MAP6: variants seen among roughly 807,000 people sequenced by gnomAD.
MAP6 encodes microtubule associated protein 6, also known as microtubule-associated protein 6.
A neutral mutation model predicts 42.4 loss-of-function variants in MAP6; 26 were observed. The ratio of observed to expected loss-of-function variants is 0.61; its 90% confidence interval spans 0.45 to 0.85. MAP6 has a LOEUF of 0.85. Among genes scored for constraint, MAP6 ranks in the 40% least tolerant of loss-of-function variants. The pLI, the probability that MAP6 is intolerant of heterozygous loss-of-function variation, is 0.00. For synonymous variants in MAP6, 418 were observed against 443.8 expected (o/e 0.94, Z 0.73); for missense variants, 966 against 1,099.0 (o/e 0.88, Z 1.71).
intron 1 of MAP6, among the ~76,000 whole-genome samples, chr11:75,659,492 G>A (rs1294143837): frequency 6.6e-6 from 1 of 152,188 alleles, no homozygotes; most frequent in African/African-American, 2.4e-5. Context: ...AGCTCTAACA[G>A]GGAAGTAACA....
chr11:75,593,849 C>G (rs890139676), intron 3 of MAP6, among the ~76,000 whole-genome samples: 3 of 152,248 alleles, frequency 2.0e-5, no homozygotes, highest in African/African-American at 7.2e-5. Context: ...AGTGCACTGA[C>G]TGGGCTTGAG....
At chr11:75,631,795 A>C (rs1943287849) in intron 1 of MAP6, among the ~76,000 whole-genome samples, 1 of 152,218 alleles carries the variant, frequency 6.6e-6, no homozygotes, top group South Asian at 2.1e-4. Context: ...GAAAAGTGAT[A>C]ATTTCTGCTG....
Position 75,668,558 on chromosome 11 carries a change from T to A in MAP6, c.-189A>T. ...GGGAGAGCTGTCCTAGGAGAGTCTGTAGAGTCCCTCGATTACCGGTCGCAA... is the reference window on the plus strand; with the variant it reads ...GGGAGAGCTGTCCTAGGAGAGTCTGAAGAGTCCCTCGATTACCGGTCGCAA... On this transcript the variant is annotated 5_prime_UTR_variant, in exon 1 of 4. Transcript: ENST00000304771. 1.4e-6 allele frequency: 1 copy of A among 711,072 alleles called. No homozygotes were observed. The allele number at this position is 711,072 out of a possible 1,614,324, so 44.0% of individuals were successfully genotyped here. A position where few individuals can be genotyped will look rare whatever the true frequency, so the allele number is the denominator to read the frequency against.
intron 1 of MAP6, among the ~76,000 whole-genome samples, chr11:75,657,689 T>C (rs1943774441): frequency 6.6e-6 from 1 of 152,192 alleles, no homozygotes; most frequent in Non-Finnish European, 1.5e-5. Flanking sequence ...CACTGGAAGC[T>C]CTAGGGGAGA....
At chr11:75,610,389 C>G (rs535828510) in intron 1 of MAP6, among the ~76,000 whole-genome samples, 4 of 152,182 alleles carry the variant, frequency 2.6e-5, no homozygotes, top group African/African-American at 7.2e-5. Context: ...CATTCATTCA[C>G]GAAATATGTA....
At chr11:75,612,562 G>C (rs1414156813) in intron 1 of MAP6, among the ~76,000 whole-genome samples, 5 of 152,222 alleles carry the variant, frequency 3.3e-5, no homozygotes, top group Non-Finnish European at 7.3e-5. Flanking sequence ...GAGAGAGCAG[G>C]TGAACTGATC....
At chr11:75,608,809 G>A (rs1942830233) in intron 1 of MAP6, among the ~76,000 whole-genome samples, 1 of 152,134 alleles carries the variant, frequency 6.6e-6, no homozygotes, top group African/African-American at 2.4e-5. Flanking sequence ...TCATAATGAA[G>A]AACTTTTGTT....
chr11:75,664,036 G>T (rs1943901907), intron 1 of MAP6, among the ~76,000 whole-genome samples: 1 of 152,162 alleles, frequency 6.6e-6, no homozygotes, highest in African/African-American at 2.4e-5. Flanking sequence ...AGGGCAATGG[G>T]GTTGACTGGG....
At chr11:75,604,897 AC>A (rs1942730736) in intron 3 of MAP6, 1 of 985,380 alleles carries the variant, frequency 1.0e-6, no homozygotes, top group Non-Finnish European at 1.2e-6. Context: ...CACACTTGCC[AC>A]TACATCTACG....
chr11:75,604,856 G>C, intron 3 of MAP6: 1 of 985,494 alleles, frequency 1.0e-6, no homozygotes, highest in African/African-American at 1.7e-5. Flanking sequence ...GAGCAGACCA[G>C]AGCGGTTCAG....
chr11:75,634,348 C>T (rs191346084), intron 1 of MAP6, among the ~76,000 whole-genome samples: 1 of 152,340 alleles, frequency 6.6e-6, no homozygotes, highest in East Asian at 1.9e-4. Flanking sequence ...GTGATCTTGG[C>T]TCACTGCAAC....
intron 1 of MAP6, among the ~76,000 whole-genome samples, chr11:75,613,590 C>T (rs936736886): frequency 5.3e-5 from 8 of 152,114 alleles, no homozygotes; most frequent in South Asian, 4.1e-4. Flanking sequence ...ACCAAAGGCC[C>T]GCTGTCCCCT....
chr11:75,617,514 CAAAAAAA>C (rs61477947), intron 1 of MAP6, among the ~76,000 whole-genome samples: 278 of 28,146 alleles, frequency 9.9e-3, no homozygotes, highest in Non-Finnish European at 0.02. Flanking sequence ...AGACTGTCTC[CAAAAAAA>C]AAAAAAAAAA....
chr11:75,659,961 C>T (rs973939732), intron 1 of MAP6, among the ~76,000 whole-genome samples: 5 of 152,098 alleles, frequency 3.3e-5, no homozygotes, highest in African/African-American at 1.2e-4. Context: ...GTGGGTTAGT[C>T]TTGGTCAGCA....
intron 1 of MAP6, among the ~76,000 whole-genome samples, chr11:75,632,775 C>G (rs1943304743): frequency 6.6e-6 from 1 of 152,128 alleles, no homozygotes; most frequent in Non-Finnish European, 1.5e-5. Flanking sequence ...ATCCAGCCAG[C>G]CAGCCAGTAA....
chr11:75,612,448 C>T (rs979670917), intron 1 of MAP6, among the ~76,000 whole-genome samples: 2 of 152,168 alleles, frequency 1.3e-5, no homozygotes, highest in African/African-American at 4.8e-5. Context: ...GAATGCTTAA[C>T]TCTGAAGGGG....
At chr11:75,599,256 G>A (rs898255811) in intron 3 of MAP6, among the ~76,000 whole-genome samples, 22 of 152,300 alleles carry the variant, frequency 1.4e-4, no homozygotes, top group African/African-American at 4.8e-4. Context: ...AGGTTAACAA[G>A]TAATTGAGGC....
At chr11:75,657,626 A>G (rs1000610379) in intron 1 of MAP6, among the ~76,000 whole-genome samples, 1 of 152,240 alleles carries the variant, frequency 6.6e-6, no homozygotes, top group African/African-American at 2.4e-5. Context: ...GGCTTAAAGC[A>G]ACACAGATTT....
At position 75,667,273 on chromosome 11, in the gene MAP6, G is replaced by T. The variant is rs1420620459; in HGVS notation, c.905+192C>A. ...CAGGCTGAGATGGAATATACTAACA[G>T]CTTGCGCATGGGACAGGGCAGAAGA... On this transcript the variant is annotated intron_variant, in intron 1 of 3. Coordinates refer to ENST00000304771, the MANE Select transcript of MAP6 (RefSeq NM_033063.2). The surrounding 1 kb of genome is among the most constrained non-coding windows in gnomAD (Gnocchi z 5.6). 6.6e-6 allele frequency among the ~76,000 whole-genome samples: 1 copy of T among 152,196 alleles called. No homozygotes were observed. The highest frequency in any genetic ancestry group is 2.4e-5 in the African/African-American group (1 of 41,454).
Sources: allele counts gnomAD v4.1 joint callset (sites outside exome capture counted in the v4.1 genomes callset), GRCh38; gene constraint gnomAD v4.1.1; non-coding constraint Gnocchi (gnomAD v3.1); transcripts MANE v1.5; gene names NCBI Gene and HGNC (gene_info 2026-07-23, HGNC 2026-07-21).